The following CALN1 variants were observed in gnomAD, a reference collection of about 807,000 sequenced individuals.
The protein encoded by CALN1 is calneuron 1.
In CALN1, 17 loss-of-function variants were observed where a neutral mutation model predicts 30.6. That is an observed-to-expected ratio of 0.56 (90% CI 0.38 to 0.83). The LOEUF (loss-of-function observed/expected upper bound fraction) is 0.83. Among genes scored for constraint, CALN1 ranks in the 40% least tolerant of loss-of-function variants. The pLI, the probability that CALN1 is intolerant of heterozygous loss-of-function variation, is 0.00. For synonymous variants in CALN1, 156 were observed against 131.4 expected (o/e 1.19, Z -1.28); for missense variants, 291 against 354.9 (o/e 0.82, Z 1.45).
intron 3 of CALN1, among the ~76,000 whole-genome samples, chr7:72,132,604 C>G (rs1245868436): frequency 6.6e-6 from 1 of 152,148 alleles, no homozygotes; most frequent in Non-Finnish European, 1.5e-5. Flanking sequence ...GGCAGTGTTT[C>G]TCGCCGGCAG....
In CALN1 at chr7:71,784,589, T is replaced by C. The variant is rs1407423599; in HGVS notation, c.*3186A>G. The C allele has an allele frequency of 2.6e-5, 10 of 379,072 alleles. No individual in the cohort carries two copies. The highest frequency in any genetic ancestry group is 2.1e-4 in the African/African-American group (10 of 48,172). The allele number at this position is 379,072 out of a possible 1,614,324, so 23.5% of individuals were successfully genotyped here. A position where few individuals can be genotyped will look rare whatever the true frequency, so the allele number is the denominator to read the frequency against. On this transcript the variant is annotated 3_prime_UTR_variant, in exon 7 of 7. Coordinates refer to ENST00000395275, the MANE Select transcript of CALN1 (RefSeq NM_031468.4). ...CAAGGGGGTCAGGGTCCATTTCCCC[T>C]TCTCTCCCAAGGAAAATGCCTTCTT... is the stretch of plus-strand genomic sequence containing the variant.
chr7:71,982,721 G>A (rs1040333071), intron 5 of CALN1, among the ~76,000 whole-genome samples: 6 of 152,200 alleles, frequency 3.9e-5, no homozygotes, highest in Non-Finnish European at 5.9e-5. Flanking sequence ...GATAGTGAGG[G>A]TAAGGAAGTC....
At chr7:72,190,677 C>T (rs1451480611) in intron 3 of CALN1, among the ~76,000 whole-genome samples, 2 of 152,130 alleles carry the variant, frequency 1.3e-5, no homozygotes, top group Non-Finnish European at 2.9e-5. Context: ...TTTTTTAATA[C>T]AAGAGTCCTT....
chr7:72,345,686 C>G (rs993922213), intron 2 of CALN1, among the ~76,000 whole-genome samples: 2 of 152,104 alleles, frequency 1.3e-5, no homozygotes, highest in Non-Finnish European at 2.9e-5. Context: ...CTGATAAACA[C>G]CCCAGGGTTT....
intron 3 of CALN1, among the ~76,000 whole-genome samples, chr7:72,146,889 T>C (rs1223003479): frequency 6.6e-6 from 1 of 152,206 alleles, no homozygotes; most frequent in South Asian, 2.1e-4. Flanking sequence ...ATTTAACAAA[T>C]GGTGCTGGGA....
At chr7:71,858,857 G>A (rs1037220358) in intron 5 of CALN1, among the ~76,000 whole-genome samples, 2 of 152,088 alleles carry the variant, frequency 1.3e-5, no homozygotes, top group East Asian at 1.9e-4. Flanking sequence ...GCTGTGCCCC[G>A]ACCACTTTGG....
intron 2 of CALN1, among the ~76,000 whole-genome samples, chr7:72,349,330 G>A (rs550939346): frequency 1.3e-5 from 2 of 148,304 alleles, no homozygotes; most frequent in Non-Finnish European, 3.0e-5. Context: ...GTGTTGGGAA[G>A]GTTAAACAGA....
At chr7:72,044,599 C>CTTTTTTTTTTTTTTTTTT (rs549079139) in intron 4 of CALN1, among the ~76,000 whole-genome samples, 2 of 96,684 alleles carry the variant, frequency 2.1e-5, no homozygotes, top group African/African-American at 8.2e-5. Context: ...CCGCTTAAAA[C>CTTTTTTTTTTTTTTTTTT]TTTTTTTTTT....
intron 1 of CALN1, among the ~76,000 whole-genome samples, chr7:72,408,880 G>A (rs1431580633): frequency 2.6e-5 from 4 of 151,378 alleles, no homozygotes; most frequent in African/African-American, 9.7e-5. Context: ...GTTTCACCAT[G>A]TTGCCCAGGT....
chr7:72,031,133 T>TG (rs1388657492), intron 4 of CALN1, among the ~76,000 whole-genome samples: 4 of 152,314 alleles, frequency 2.6e-5, no homozygotes, highest in Non-Finnish European at 5.9e-5. Flanking sequence ...CCCAGCAGTC[T>TG]GCCTGTGCTT....
intron 5 of CALN1, among the ~76,000 whole-genome samples, chr7:71,862,740 A>C (rs1411453052): frequency 1.3e-5 from 2 of 152,212 alleles, no homozygotes; most frequent in African/African-American, 4.8e-5. Flanking sequence ...ACCAGGATTT[A>C]AATTCCCAGA....
intron 5 of CALN1, among the ~76,000 whole-genome samples, chr7:71,938,314 C>A (rs183899149): frequency 6.6e-6 from 1 of 152,184 alleles, no homozygotes; most frequent in African/African-American, 2.4e-5. Context: ...GAAATCATAC[C>A]TGGAACACAG....
intron 3 of CALN1, among the ~76,000 whole-genome samples, chr7:72,181,159 G>A (rs1352072126): frequency 1.4e-5 from 2 of 138,782 alleles, no homozygotes; most frequent in East Asian, 2.2e-4. Flanking sequence ...CCCCTACCAT[G>A]TTAAAGTACC....
At chr7:71,937,573 G>A (rs149022224) in intron 5 of CALN1, among the ~76,000 whole-genome samples, 208 of 152,136 alleles carry the variant, frequency 1.4e-3, no homozygotes, top group African/African-American at 4.5e-3. Flanking sequence ...CACATTCCTA[G>A]GCTCAAGGGA....
upstream of CALN1, among the ~76,000 whole-genome samples, chr7:72,416,859 G>GTGGGCTGGGCTGAGC (rs1228281306): frequency 6.6e-6 from 1 of 152,126 alleles, no homozygotes; most frequent in African/African-American, 2.4e-5. Context: ...TTGAGCTGGG[G>GTGGGCTGGGCTGAGC]TGGGCTGGGC....
At chr7:72,209,212 C>T in intron 3 of CALN1, among the ~76,000 whole-genome samples, 1 of 100,936 alleles carries the variant, frequency 9.9e-6, no homozygotes, top group Admixed American at 1.1e-4. Context: ...TTCCCTCCTT[C>T]CTTCCCTCCT....
At chr7:72,326,366 T>A (rs1801278368) in intron 2 of CALN1, among the ~76,000 whole-genome samples, 1 of 152,206 alleles carries the variant, frequency 6.6e-6, no homozygotes, top group African/African-American at 2.4e-5. Context: ...AACATCTCTG[T>A]GACCTGGCTA....
chr7:72,181,394 G>A (rs1789794904), intron 3 of CALN1, among the ~76,000 whole-genome samples: 1 of 151,706 alleles, frequency 6.6e-6, no homozygotes, highest in African/African-American at 2.4e-5. Context: ...TTTGGGCAGT[G>A]GAAATCCTTT....
the CALN1 span, among the ~76,000 whole-genome samples, chr7:72,499,818 C>CTTCT: frequency 2.0e-5 from 1 of 51,060 alleles, no homozygotes; most frequent in Non-Finnish European, 3.6e-5. Flanking sequence ...TCCTTCCTTC[C>CTTCT]TTCCTTCCTT....
Sources: gnomAD v4.1 joint callset for allele counts (sites outside exome capture counted in the v4.1 genomes callset) on GRCh38, gnomAD v4.1.1 for gene constraint, MANE v1.5 for transcripts, NCBI Gene and HGNC (gene_info 2026-07-23, HGNC 2026-07-21) for gene names.